The following PDS5B variants were observed in gnomAD, a reference collection of about 807,000 sequenced individuals.
PDS5B encodes the protein PDS5 cohesin associated factor B, also known as sister chromatid cohesion protein PDS5 homolog B.
PDS5B carries 51 observed loss-of-function variants against 184.1 expected under a neutral mutation model. The observed-to-expected ratio is 0.28, with a 90% confidence interval of 0.22 to 0.35. The LOEUF is 0.35. PDS5B is among the 10% of genes least tolerant of loss of function. PDS5B has a pLI of 1.00. For missense variants in PDS5B, 1,180 were observed against 1,723.3 expected, an observed-to-expected ratio of 0.68 and a Z score of 5.58; for synonymous variants, 566 against 569.2, an observed-to-expected ratio of 0.99 and a Z score of 0.08.
At chr13:32,678,586 T>C (rs1951137620) in intron 9 of PDS5B, among the ~76,000 whole-genome samples, 1 of 152,220 alleles carries the variant, frequency 6.6e-6, no homozygotes, top group South Asian at 2.1e-4. Flanking sequence ...GAGCCAAATG[T>C]ATATGGTTTA....
intron 11 of PDS5B, among the ~76,000 whole-genome samples, chr13:32,686,745 A>G (rs1181467875): frequency 6.6e-6 from 1 of 152,194 alleles, no homozygotes; most frequent in Non-Finnish European, 1.5e-5. Context: ...TGATTGCACC[A>G]CTTCACTCCA....
chr13:32,699,281 A>G (rs150605355), intron 15 of PDS5B, among the ~76,000 whole-genome samples: 12 of 152,306 alleles, frequency 7.9e-5, no homozygotes, highest in Admixed American at 2.0e-4. Context: ...TGCTAGATAC[A>G]TGCATGTATA....
At chr13:32,625,270 G>A (rs891992604) in intron 1 of PDS5B, among the ~76,000 whole-genome samples, 5 of 151,984 alleles carry the variant, frequency 3.3e-5, no homozygotes, top group Admixed American at 3.3e-4. Flanking sequence ...GGTGTGAGGT[G>A]GCAAGATCAT....
At chr13:32,610,934 CCTTT>C (rs1428056664) in intron 1 of PDS5B, among the ~76,000 whole-genome samples, 1 of 151,978 alleles carries the variant, frequency 6.6e-6, no homozygotes, top group Admixed American at 6.6e-5. Flanking sequence ...CCTTTTAAAA[CCTTT>C]CTTATTGAAA....
At chr13:32,713,603 A>G (rs1408087471) in intron 19 of PDS5B, among the ~76,000 whole-genome samples, 1 of 152,210 alleles carries the variant, frequency 6.6e-6, no homozygotes, top group East Asian at 1.9e-4. Flanking sequence ...TAAGCTAGAG[A>G]TTTGGCTTGA....
chr13:32,613,342 T>A (rs1479337553), intron 1 of PDS5B, among the ~76,000 whole-genome samples: 1 of 152,246 alleles, frequency 6.6e-6, no homozygotes, highest in Non-Finnish European at 1.5e-5. Flanking sequence ...CTGCATCATC[T>A]TACATTCCCT....
chr13:32,770,617 T>C, intron 32 of PDS5B, 37 bp from the exon 33 acceptor site: 2 of 1,601,508 alleles, frequency 1.2e-6, no homozygotes, highest in Non-Finnish European at 1.7e-6. Context: ...TAAATCATAA[T>C]TTGATGCTAT....
intron 1 of PDS5B, among the ~76,000 whole-genome samples, chr13:32,608,970 C>A (rs140277357): frequency 4.6e-5 from 7 of 152,106 alleles, no homozygotes; most frequent in African/African-American, 1.7e-4. Flanking sequence ...TCTTTTGAGG[C>A]GAACCCTAAC....
intron 19 of PDS5B, among the ~76,000 whole-genome samples, chr13:32,725,105 CT>C (rs1952852672): frequency 6.6e-6 from 1 of 152,128 alleles, no homozygotes; most frequent in Admixed American, 6.5e-5. Context: ...TAGCTGAATA[CT>C]TTTGTAAAAA....
intron 12 of PDS5B, among the ~76,000 whole-genome samples, 156 bp from the exon 13 acceptor site, chr13:32,688,300 A>G (rs574832423): frequency 1.4e-4 from 21 of 152,232 alleles, no homozygotes; most frequent in African/African-American, 4.8e-4. Flanking sequence ...GTCCCCTTCT[A>G]TCTACAGATA....
intron 20 of PDS5B, among the ~76,000 whole-genome samples, chr13:32,732,789 A>G (rs1953170601): frequency 6.6e-6 from 1 of 152,120 alleles, no homozygotes; most frequent in African/African-American, 2.4e-5. Context: ...ACCTAACACT[A>G]ACACTGTTAG....
intron 1 of PDS5B, among the ~76,000 whole-genome samples, chr13:32,639,771 T>A (rs1292409985): frequency 1.3e-5 from 2 of 152,254 alleles, no homozygotes; most frequent in Admixed American, 1.3e-4. Context: ...TCAGACTCTT[T>A]ACAAAATCTT....
chr13:32,740,877 G>A lies in PDS5B; in HGVS notation c.2407-203G>A, dbSNP rs76832880. Among the ~76,000 whole-genome samples the A allele has an allele frequency of 5.5e-4, 83 of 151,670 alleles. 2 individuals carry two copies. The highest frequency in any genetic ancestry group is 3.4e-3 in the Admixed American group (52 of 15,242). On this transcript the variant is annotated intron_variant, in intron 21 of 34. Coordinates refer to ENST00000315596, the MANE Select transcript of PDS5B (RefSeq NM_015032.4). The stretch of plus-strand genomic sequence containing the variant: ...CAGTCGTGATGGATCTATAAGTGCT[G>A]TACATAGGCGCTAGTGAAGGTATGC...
intron 1 of PDS5B, among the ~76,000 whole-genome samples, chr13:32,630,725 T>G (rs1468868588): frequency 6.6e-6 from 1 of 152,112 alleles, no homozygotes; most frequent in Admixed American, 6.5e-5. Context: ...AGGTTTCCAC[T>G]CAAATGTCAC....
Position 32,763,304 on chromosome 13 carries a change from A to C in PDS5B, c.3519-1185A>C, listed in dbSNP as rs1954472423. On this transcript the variant is annotated intron_variant, in intron 30 of 34. Coordinates refer to ENST00000315596, the MANE Select transcript of PDS5B (RefSeq NM_015032.4). ...GTGGTTTTTAAAAAAAATTGCCCTGATGATTTGTGCAGAATGTACTATAGA... is the reference window on the plus strand; with the variant it reads ...GTGGTTTTTAAAAAAAATTGCCCTGCTGATTTGTGCAGAATGTACTATAGA... 1.3e-5 allele frequency: 2 copies of C among 152,702 alleles called. 1 individual carries two copies. The highest frequency in any genetic ancestry group is 1.3e-4 in the Admixed American group (2 of 15,298). The allele number at this position is 152,702 out of a possible 1,614,324, so 9.5% of individuals were successfully genotyped here.
chr13:32,707,002 C>T lies in PDS5B; in HGVS notation c.1925C>T (p.Thr642Ile). ...GATGATGAAGATGAGGGTGTTCCAA[C>T]TGATCAAGCCATCAGAGCAGGTCTT... is the stretch of plus-strand genomic sequence containing the variant. The part of the protein sequence containing the change: ...TADDEDEGVP[T>I]DQAIRAGLEL... Residue 642 changes from threonine (T) to isoleucine (I), a missense_variant, in exon 18 of 35, where the codon ACT becomes ATT. Thr to Ile is a moderately conservative substitution (Grantham distance 89). Transcript: ENST00000315596. The T allele has an allele frequency of 6.2e-7, 1 of 1,610,178 alleles. No individual in the cohort carries two copies. Among genetic ancestry groups the T allele is most frequent in the Non-Finnish European group, 8.5e-7 (1 of 1,178,048 alleles).
At chr13:32,623,617 T>C (rs916009524) in intron 1 of PDS5B, among the ~76,000 whole-genome samples, 7 of 152,330 alleles carry the variant, frequency 4.6e-5, no homozygotes, top group South Asian at 2.1e-4. Context: ...CTCACTGTTA[T>C]AATTTCGCAA....
intron 1 of PDS5B, among the ~76,000 whole-genome samples, chr13:32,609,912 A>C (rs1229615893): frequency 2.7e-5 from 4 of 149,756 alleles, no homozygotes; most frequent in East Asian, 1.9e-4. Context: ...AAAAAAAAAA[A>C]CAAAAAAATG....
intron 3 of PDS5B, among the ~76,000 whole-genome samples, chr13:32,654,073 AATGT>A (rs879474179): frequency 6.6e-6 from 1 of 152,198 alleles, no homozygotes. Flanking sequence ...CTAGCTGAAA[AATGT>A]TAAGTATTTG....
Sources: allele counts gnomAD v4.1 joint callset (sites outside exome capture counted in the v4.1 genomes callset), GRCh38; gene constraint gnomAD v4.1.1; transcripts MANE v1.5; gene names NCBI Gene and HGNC (gene_info 2026-07-23, HGNC 2026-07-21).